KCNN1: variants seen among roughly 807,000 people sequenced by gnomAD.
The protein encoded by KCNN1 is small conductance calcium-activated potassium channel protein 1.
Under a neutral mutation model 44.7 loss-of-function variants are expected in KCNN1, and 20 were observed. The observed-to-expected ratio is 0.45, with a 90% CI of 0.32 to 0.65. The LOEUF (loss-of-function observed/expected upper bound fraction) is 0.65, where lower values mean the gene tolerates loss of function less well. KCNN1 is among the 30% of genes least tolerant of loss of function. The pLI, the probability that KCNN1 is intolerant of heterozygous loss-of-function variation, is 0.05. For missense variants in KCNN1, 632 were observed against 785.3 expected, an observed-to-expected ratio of 0.80 and a Z score of 2.33; for synonymous variants, 324 against 341.7, an observed-to-expected ratio of 0.95 and a Z score of 0.57.
chr19:17,958,582 C>A (rs1224975863), intron 2 of KCNN1, among the ~76,000 whole-genome samples: 7 of 151,100 alleles, frequency 4.6e-5, no homozygotes, highest in African/African-American at 1.7e-4. Flanking sequence ...ACCTCCCAGG[C>A]TCAAGTGATT....
chr19:17,963,196 G>C (rs1415958454), upstream of KCNN1, among the ~76,000 whole-genome samples: 1 of 151,176 alleles, frequency 6.6e-6, no homozygotes, highest in Non-Finnish European at 1.5e-5. Context: ...TGTATTTTTA[G>C]TAAAGACGGG....
chr19:17,983,597 G>T lies in KCNN1; in HGVS notation c.917+1470G>T, dbSNP rs1448411934. On this transcript the variant is annotated intron_variant, in intron 4 of 9. Coordinates refer to ENST00000684775, the MANE Select transcript of KCNN1 (RefSeq NM_001386974.1). This position sits in a 1 kb window ranked among gnomAD's most constrained non-coding sequence, Gnocchi z 4.5. ...CTGGGTCCTTGCAGGGCTCTGGGGG[G>T]GTGGGGCACGGGGCAGGGCCGGCAG... 2.0e-5 allele frequency among the ~76,000 whole-genome samples: 3 copies of T among 152,146 alleles called. No homozygotes were observed. Among genetic ancestry groups the T allele is most frequent in the African/African-American group, 7.2e-5 (3 of 41,434 alleles).
intron 2 of KCNN1, among the ~76,000 whole-genome samples, chr19:17,954,948 G>C (rs2145896561): frequency 6.6e-6 from 1 of 151,888 alleles, no homozygotes; most frequent in East Asian, 1.9e-4. Flanking sequence ...TGAGGCAGGA[G>C]GACCACTTGA....
intron 1 of KCNN1, among the ~76,000 whole-genome samples, chr19:17,972,614 C>T (rs1027114776): frequency 1.3e-5 from 2 of 152,328 alleles, no homozygotes; most frequent in Admixed American, 6.5e-5. Flanking sequence ...TATGGATCCC[C>T]TCCTGCCCAG....
intron 9 of KCNN1, among the ~76,000 whole-genome samples, chr19:17,995,931 A>G (rs1445403770): frequency 6.6e-6 from 1 of 152,276 alleles, no homozygotes; most frequent in East Asian, 1.9e-4. Flanking sequence ...AACTACTGAT[A>G]GCCTACCATT....
chr19:17,959,830 A>C (rs1429407654), intron 2 of KCNN1, among the ~76,000 whole-genome samples: 2 of 152,090 alleles, frequency 1.3e-5, no homozygotes, highest in Non-Finnish European at 1.5e-5. Flanking sequence ...CAGGCCTATA[A>C]TCCTAGCACT....
chr19:17,999,822 G>C lies in KCNN1; in HGVS notation c.*1416G>C. ...GGCCATCCATCGCCTGGCTCAACGA[G>C]ATAACTAGGCCGTGGCTGGTGCATG... On this transcript the variant is annotated 3_prime_UTR_variant, in exon 10 of 10. Transcript: ENST00000684775. 1 of 361,522 alleles carries C rather than the reference G, an allele frequency of 2.8e-6. No individual in the cohort carries two copies. Among genetic ancestry groups the C allele is most frequent in the South Asian group, 2.0e-5 (1 of 50,696 alleles). 22.4% of individuals were successfully genotyped at this position (361,522 alleles called of 1,614,324 possible).
chr19:17,973,690 T>C (rs1599356208), intron 1 of KCNN1, 118 bp from the exon 2 acceptor site: 3 of 1,204,274 alleles, frequency 2.5e-6, no homozygotes, highest in Admixed American at 3.2e-5. Flanking sequence ...TAAACCCACG[T>C]GTCAGCACTC....
upstream of KCNN1, among the ~76,000 whole-genome samples, chr19:17,966,015 G>A (rs969000819): frequency 8.0e-6 from 1 of 124,384 alleles, no homozygotes; most frequent in Non-Finnish European, 1.7e-5. Context: ...CTGCCTGCCT[G>A]CCTGCCTGCC....
chr19:17,974,259 A>T lies in KCNN1; in HGVS notation c.371A>T (p.Glu124Val), dbSNP rs1342781128. The T allele has an allele frequency of 6.3e-7, 1 of 1,598,078 alleles. No individual in the cohort carries two copies. Among genetic ancestry groups the T allele is most frequent in the African/African-American group, 1.3e-5 (1 of 74,642 alleles). The stretch of plus-strand genomic sequence containing the variant: ...TTTGGCATCGTCGTCATGGTGACGG[A>T]GACCGAGCTGTCCTGGGGGGTGTAC... ...GMFGIVVMVTETELSWGVYTK... is the reference protein window; with the variant it reads ...GMFGIVVMVTVTELSWGVYTK... The change falls in exon 2 of 10, where the codon GAG (glutamate) becomes GTG (valine). Residue 124 changes from glutamate to valine, a missense_variant. This residue lies in a region of KCNN1 where 235 missense variants were observed against 224.0 expected (regional missense o/e 1.05). Coordinates refer to ENST00000684775, the MANE Select transcript of KCNN1 (RefSeq NM_001386974.1). This position sits in a 1 kb window ranked among gnomAD's most constrained non-coding sequence, Gnocchi z 7.3.
rs2145946054 is a variant in KCNN1, at chr19:17,981,873, G to A, written c.663G>A (p.Val221=). Residue 221 remains valine (V), a synonymous_variant, in exon 4 of 10, where the codon GTG becomes GTA. Transcript: ENST00000684775. The part of the protein sequence containing the change: ...ARLAFTYAPS[V]AEADVDVLLS... ...TGGCCTTCACGTACGCGCCCTCGGT[G>A]GCCGAGGCCGACGTGGACGTGCTGC... is the stretch of plus-strand genomic sequence containing the variant. 1.9e-6 allele frequency: 3 copies of A among 1,612,426 alleles called. No homozygotes were observed. The highest frequency in any genetic ancestry group is 2.2e-5 in the South Asian group (2 of 90,974).
chr19:17,982,969 C>G (rs902695961), intron 4 of KCNN1, among the ~76,000 whole-genome samples: 2 of 151,168 alleles, frequency 1.3e-5, no homozygotes, highest in Non-Finnish European at 1.5e-5. Context: ...GAACCTGGGA[C>G]GCGGAGGTTG....
chr19:17,978,632 A>T (rs118104618), intron 3 of KCNN1, among the ~76,000 whole-genome samples: 3 of 149,888 alleles, frequency 2.0e-5, no homozygotes, highest in Admixed American at 6.6e-5. Context: ...AACCATACAT[A>T]TATAAAGACA....
intron 4 of KCNN1, chr19:17,982,540 C>T: frequency 2.0e-6 from 2 of 985,166 alleles, no homozygotes; most frequent in Non-Finnish European, 2.4e-6. Flanking sequence ...CTTTCATTTT[C>T]CCCTCTGCCC....
At chr19:17,968,559 C>T (rs1185913043) in intron 1 of KCNN1, among the ~76,000 whole-genome samples, 1 of 152,182 alleles carries the variant, frequency 6.6e-6, no homozygotes, top group South Asian at 2.1e-4. Flanking sequence ...TAAAAATGCT[C>T]GCTGGAGGGC....
intron 9 of KCNN1, among the ~76,000 whole-genome samples, chr19:17,996,769 C>T (rs1051071017): frequency 6.6e-5 from 10 of 152,130 alleles, no homozygotes; most frequent in South Asian, 2.1e-4. Context: ...GAGGGGAGGC[C>T]CCCACAAGGT....
At chr19:17,979,129 C>T (rs1319700796) in intron 3 of KCNN1, among the ~76,000 whole-genome samples, 1 of 146,502 alleles carries the variant, frequency 6.8e-6, no homozygotes, top group Non-Finnish European at 1.5e-5. Context: ...CATAGCAAGA[C>T]CCCTTCCTCT....
At position 17,996,255 on chromosome 19, in the gene KCNN1, G is replaced by A. The variant is rs576063496; in HGVS notation, c.1378-1897G>A. Among the ~76,000 whole-genome samples the A allele has an allele frequency of 2.6e-5, 4 of 151,708 alleles. No homozygotes were observed. The East Asian group carries it at 7.8e-4, about 29-fold the overall frequency. ...TGGGAGGTAAAAGCTGCAGTCAGCT[G>A]TGACTGTACCACTGCACTCCAGTCT... On this transcript the variant is annotated intron_variant, in intron 9 of 9. Coordinates refer to ENST00000684775, the MANE Select transcript of KCNN1 (RefSeq NM_001386974.1).
At chr19:17,967,681 G>A (rs2031863900) in intron 1 of KCNN1, among the ~76,000 whole-genome samples, 1 of 151,916 alleles carries the variant, frequency 6.6e-6, no homozygotes, top group Admixed American at 6.5e-5. Context: ...ACCCACCACT[G>A]GCCCCTGGAT....
Sources: allele counts gnomAD v4.1 joint callset (sites outside exome capture counted in the v4.1 genomes callset), GRCh38; gene constraint gnomAD v4.1.1; regional missense constraint gnomAD v4.1.1; non-coding constraint Gnocchi (gnomAD v3.1); transcripts MANE v1.5; gene names NCBI Gene and HGNC (gene_info 2026-07-23, HGNC 2026-07-21).